ZFHX3: variants seen among roughly 807,000 people sequenced by gnomAD.
ZFHX3 encodes the protein zinc finger homeobox 3, also known as zinc finger homeobox protein 3.
In ZFHX3, 42 loss-of-function variants were observed where a neutral mutation model predicts 279.1. The ratio of observed to expected loss-of-function variants is 0.15; its 90% CI spans 0.12 to 0.19. The LOEUF is 0.19. Ranked by LOEUF, ZFHX3 falls within the 10% of genes least tolerant of loss-of-function variation. The pLI, the probability that ZFHX3 is intolerant of heterozygous loss-of-function variation, is 1.00. For synonymous variants in ZFHX3, 2,293 were observed against 1,957.8 expected, an observed-to-expected ratio of 1.17 and a Z score of -4.52; for missense variants, 4,981 against 4,754.0, an observed-to-expected ratio of 1.05 and a Z score of -1.40.
chr16:73,027,668 C>A (rs143999020), intron 1 of ZFHX3, among the ~76,000 whole-genome samples: 3 of 152,144 alleles, frequency 2.0e-5, no homozygotes, highest in African/African-American at 7.2e-5. Context: ...CCCACTGCCC[C>A]CACCACCAAG....
intron 4 of ZFHX3, among the ~76,000 whole-genome samples, chr16:72,887,602 A>G (rs1330914615): frequency 2.2e-5 from 3 of 135,412 alleles, no homozygotes; most frequent in Non-Finnish European, 3.1e-5. Context: ...TTGTGGGTAG[A>G]GTGAGGGTGC....
At chr16:73,010,095 C>T (rs183438206) in intron 1 of ZFHX3, among the ~76,000 whole-genome samples, 14 of 151,262 alleles carry the variant, frequency 9.3e-5, no homozygotes, top group Admixed American at 3.3e-4. Context: ...AGAACACCCA[C>T]GGAGGCACGC....
chr16:73,322,180 G>C (rs1318723220), intron 3 of ZFHX3, among the ~76,000 whole-genome samples: 3 of 152,178 alleles, frequency 2.0e-5, no homozygotes, highest in Non-Finnish European at 1.5e-5. Context: ...CCACCAGCCT[G>C]GTCTGCATAA....
At chr16:73,016,346 T>C (rs1964102785) in intron 1 of ZFHX3, among the ~76,000 whole-genome samples, 1 of 152,052 alleles carries the variant, frequency 6.6e-6, no homozygotes, top group African/African-American at 2.4e-5. Context: ...TTAGCACACA[T>C]GTACAAGGCG....
intron 5 of ZFHX3, among the ~76,000 whole-genome samples, chr16:73,156,775 G>A (rs1364629256): frequency 6.6e-6 from 1 of 151,796 alleles, no homozygotes; most frequent in African/African-American, 2.4e-5. Flanking sequence ...GTGCAATGGT[G>A]TGATCTTGGC....
intron 5 of ZFHX3, among the ~76,000 whole-genome samples, chr16:73,218,628 G>T (rs533995242): frequency 6.6e-6 from 1 of 152,130 alleles, no homozygotes; most frequent in Non-Finnish European, 1.5e-5. Context: ...ACTTGGCTGG[G>T]TGTGGTGGTG....
At chr16:73,788,941 G>T (rs1442698910) in intron 1 of ZFHX3, among the ~76,000 whole-genome samples, 1 of 151,138 alleles carries the variant, frequency 6.6e-6, no homozygotes. Flanking sequence ...CCACACATGG[G>T]ATCTGATTTT....
intron 2 of ZFHX3, among the ~76,000 whole-genome samples, chr16:73,569,396 T>TA (rs2051711305): frequency 6.6e-6 from 1 of 151,752 alleles, no homozygotes. Context: ...TTTTTTTTTT[T>TA]AATTTCTCTC....
At chr16:73,634,402 G>A (rs574978489) in intron 2 of ZFHX3, among the ~76,000 whole-genome samples, 53 of 142,124 alleles carry the variant, frequency 3.7e-4, no homozygotes, top group African/African-American at 1.1e-3. Flanking sequence ...ATATAGTCAC[G>A]GAGAAGGCAA....
intron 6 of ZFHX3, among the ~76,000 whole-genome samples, chr16:73,133,330 T>C (rs985760269): frequency 2.0e-5 from 3 of 152,168 alleles, no homozygotes; most frequent in Non-Finnish European, 2.9e-5. Context: ...AAGACCAGCC[T>C]GGCCAACATG....
At chr16:73,353,408 GCACACA>G (rs1213095423) in intron 3 of ZFHX3, among the ~76,000 whole-genome samples, 5 of 152,342 alleles carry the variant, frequency 3.3e-5, no homozygotes, top group African/African-American at 1.2e-4. Context: ...ACTGAAATGA[GCACACA>G]CTGGATCATT....
chr16:72,813,631 ATCC>A (rs1247928645), intron 5 of ZFHX3, among the ~76,000 whole-genome samples: 1 of 152,130 alleles, frequency 6.6e-6, no homozygotes, highest in Non-Finnish European at 1.5e-5. Context: ...TTACACACAG[ATCC>A]TCCTCCTCCC....
intron 3 of ZFHX3, among the ~76,000 whole-genome samples, chr16:72,903,591 C>G (rs2039094242): frequency 6.6e-6 from 1 of 152,142 alleles, no homozygotes. Context: ...AACTATTATT[C>G]TAGCCCACCA....
intron 1 of ZFHX3, chr16:73,813,957 G>A (rs1327355153): frequency 6.6e-6 from 1 of 152,156 alleles, no homozygotes; most frequent in African/African-American, 2.4e-5. Context: ...ACTCATTGTA[G>A]CAATTCATTT....
rs142299116 is a variant in ZFHX3, at chr16:73,322,017, G to A, written c.-1290-3681C>T. Among the ~76,000 whole-genome samples the A allele has an allele frequency of 1.3e-4, 20 of 152,286 alleles. No homozygotes were observed. The East Asian group carries it at 2.3e-3, about 18-fold the overall frequency. On this transcript the variant is annotated intron_variant, in intron 3 of 17. Transcript: ENST00000641206. ...GAGGTAGACGCTGAGAATAAAACTC[G>A]TGATTTCCCAACCAAAAGGCATCAA...
chr16:73,251,234 G>A (rs1401285305), intron 5 of ZFHX3, among the ~76,000 whole-genome samples: 2 of 152,086 alleles, frequency 1.3e-5, no homozygotes, highest in African/African-American at 2.4e-5. Flanking sequence ...CTTAGTGAGG[G>A]TACTATGGGT....
chr16:73,858,861 G>A (rs1356234573), intron 1 of ZFHX3, among the ~76,000 whole-genome samples: 2 of 152,178 alleles, frequency 1.3e-5, no homozygotes, highest in Non-Finnish European at 2.9e-5. Flanking sequence ...AGATGTGAAG[G>A]AGAGGATCCC....
intron 8 of ZFHX3, among the ~76,000 whole-genome samples, chr16:73,090,552 A>G (rs1424859370): frequency 1.3e-5 from 2 of 152,110 alleles, no homozygotes; most frequent in Admixed American, 6.5e-5. Flanking sequence ...ATAAATGTCT[A>G]TGGAAGCAAG....
chr16:73,405,840 G>A (rs191028928), intron 3 of ZFHX3, among the ~76,000 whole-genome samples: 2 of 152,328 alleles, frequency 1.3e-5, no homozygotes, highest in African/African-American at 2.4e-5. Flanking sequence ...TGTCAGAGCC[G>A]GAGTAAGATT....
Sources: allele counts gnomAD v4.1 joint callset (sites outside exome capture counted in the v4.1 genomes callset), GRCh38; gene constraint gnomAD v4.1.1; transcripts MANE v1.5; gene names NCBI Gene and HGNC (gene_info 2026-07-23, HGNC 2026-07-21).